Variants in UBE2E3 observed in about 807,000 individuals in gnomAD.
UBE2E3 encodes ubiquitin-conjugating enzyme E2 E3.
In UBE2E3, 5 loss-of-function variants were observed where a neutral mutation model predicts 23.6. The observed-to-expected ratio is 0.21, with a 90% CI of 0.11 to 0.44. UBE2E3 has a LOEUF of 0.44. Ranked by LOEUF, UBE2E3 falls within the 20% of genes least tolerant of loss-of-function variation. UBE2E3 has a pLI of 0.99. For synonymous variants in UBE2E3, 78 were observed against 87.5 expected (o/e 0.89, Z 0.60); for missense variants, 81 against 249.8 (o/e 0.32, Z 4.55).
intron 3 of UBE2E3, among the ~76,000 whole-genome samples, chr2:181,007,572 A>G (rs1002172757): frequency 2.0e-5 from 3 of 151,644 alleles, no homozygotes; most frequent in Non-Finnish European, 4.4e-5. Flanking sequence ...TTCTCTAATG[A>G]GATGGAAATT....
intron 3 of UBE2E3, among the ~76,000 whole-genome samples, chr2:181,009,978 T>G (rs1168395875): frequency 3.3e-5 from 5 of 152,154 alleles, no homozygotes; most frequent in Non-Finnish European, 5.9e-5. Context: ...TATTTGTATT[T>G]TGATATTTTA....
intron 3 of UBE2E3, among the ~76,000 whole-genome samples, chr2:181,021,566 TCCTTCCTC>T (rs1685684225): frequency 3.9e-5 from 4 of 101,938 alleles, no homozygotes; most frequent in South Asian, 4.0e-4. Flanking sequence ...CTTCCTTCCT[TCCTTCCTC>T]CCTCCCTCCC....
At chr2:181,056,801 G>A (rs1687001283) in intron 3 of UBE2E3, among the ~76,000 whole-genome samples, 1 of 151,812 alleles carries the variant, frequency 6.6e-6, no homozygotes, top group African/African-American at 2.4e-5. Flanking sequence ...CTTATTGGTT[G>A]CAGGGAAAAG....
chr2:181,027,303 T>TA (rs1685925877), intron 3 of UBE2E3, among the ~76,000 whole-genome samples: 1 of 151,946 alleles, frequency 6.6e-6, no homozygotes, highest in South Asian at 2.1e-4. Context: ...GTGTTATAGT[T>TA]ACAATATCCT....
intron 3 of UBE2E3, among the ~76,000 whole-genome samples, chr2:180,996,793 G>C (rs1684833167): frequency 6.6e-6 from 1 of 152,050 alleles, no homozygotes; most frequent in African/African-American, 2.4e-5. Flanking sequence ...TGTAATAGTT[G>C]TGTTTCTTAC....
intron 3 of UBE2E3, among the ~76,000 whole-genome samples, chr2:181,040,323 A>G (rs1035791013): frequency 1.3e-5 from 2 of 152,214 alleles, no homozygotes; most frequent in African/African-American, 4.8e-5. Context: ...ACTGTATTGC[A>G]TTTAGCCTTT....
chr2:181,044,930 G>T (rs989750905), intron 3 of UBE2E3, among the ~76,000 whole-genome samples: 4 of 152,120 alleles, frequency 2.6e-5, no homozygotes, highest in Non-Finnish European at 5.9e-5. Flanking sequence ...TTCATATTAT[G>T]TAGAATTTTC....
intron 3 of UBE2E3, among the ~76,000 whole-genome samples, chr2:181,033,140 A>C (rs1452941300): frequency 6.6e-6 from 1 of 152,232 alleles, no homozygotes; most frequent in Admixed American, 6.5e-5. Flanking sequence ...ATCCCCATCA[A>C]GGTACCAACG....
At chr2:181,055,182 A>T (rs555070420) in intron 3 of UBE2E3, among the ~76,000 whole-genome samples, 18 of 151,866 alleles carry the variant, frequency 1.2e-4, no homozygotes, top group African/African-American at 4.1e-4. Context: ...TAAGATTTCC[A>T]AGGAGTTTTG....
intron 3 of UBE2E3, among the ~76,000 whole-genome samples, chr2:180,991,185 A>G (rs1215118862): frequency 6.6e-6 from 1 of 151,070 alleles, no homozygotes; most frequent in East Asian, 1.9e-4. Flanking sequence ...TTGGGATTCT[A>G]GAATTGTAGA....
chr2:181,045,070 A>G (rs1686630412), intron 3 of UBE2E3, among the ~76,000 whole-genome samples: 1 of 152,164 alleles, frequency 6.6e-6, no homozygotes, highest in African/African-American at 2.4e-5. Flanking sequence ...AAGCAGAAAG[A>G]GAGGGAGGGA....
rs71029902 is a variant in UBE2E3 at position 181,060,861 on chromosome 2, CTTTTTTT to C, written c.526+70_526+76del. On this transcript the variant is annotated intron_variant, in intron 5 of 5. Transcript: ENST00000410062. ...TACAATAAGACTACAAAAACGAGTG[CTTTTTTT>C]TTTTTTTTTTTTTTTTTTTTAGTTA... 408 of 248,932 alleles carry C rather than the reference CTTTTTTT, an allele frequency of 1.6e-3. 6 individuals are homozygous for C. Among genetic ancestry groups the C allele is most frequent in the East Asian group, 1.8e-3 (9 of 5,020 alleles). 15.4% of individuals were successfully genotyped at this position (248,932 alleles called of 1,614,324 possible).
intron 3 of UBE2E3, among the ~76,000 whole-genome samples, chr2:181,006,530 C>T (rs922209171): frequency 1.4e-4 from 21 of 151,950 alleles, no homozygotes; most frequent in African/African-American, 4.3e-4. Flanking sequence ...CCCAAATGTA[C>T]ATGGAGCACA....
intron 3 of UBE2E3, among the ~76,000 whole-genome samples, chr2:181,043,551 A>T (rs945417701): frequency 6.6e-6 from 1 of 152,194 alleles, no homozygotes; most frequent in Non-Finnish European, 1.5e-5. Flanking sequence ...AAATCCAAAA[A>T]TATAAAAAAA....
In UBE2E3 at chr2:180,980,917, T is replaced by C. The variant is rs1684261981; in HGVS notation, c.-82T>C. On this transcript the variant is annotated 5_prime_UTR_variant, in exon 1 of 6. Transcript: ENST00000410062. This position sits in a 1 kb window ranked among gnomAD's most constrained non-coding sequence, Gnocchi z 5.5. ...CCATTTCCTTAAGGAAGGGTTTTTT[T>C]CTCTCTCCCTCCCCCACACCGTAGC... 6.8e-6 allele frequency: 1 copy of C among 146,356 alleles called. No individual in the cohort carries two copies. The highest frequency in any genetic ancestry group is 6.8e-5 in the Admixed American group (1 of 14,780). The allele number at this position is 146,356 out of a possible 1,614,324, so 9.1% of individuals were successfully genotyped here.
At chr2:181,012,250 A>C (rs770216653) in intron 3 of UBE2E3, among the ~76,000 whole-genome samples, 1 of 152,206 alleles carries the variant, frequency 6.6e-6, no homozygotes, top group East Asian at 1.9e-4. Flanking sequence ...ATAACAAAGT[A>C]TACATGTACT....
chr2:180,985,111 T>C (rs1444440103), intron 3 of UBE2E3, among the ~76,000 whole-genome samples: 2 of 152,172 alleles, frequency 1.3e-5, no homozygotes, highest in African/African-American at 4.8e-5. Flanking sequence ...TCTTATTGTG[T>C]ATGTTAACTG....
intron 3 of UBE2E3, among the ~76,000 whole-genome samples, chr2:180,997,709 G>A (rs1234588183): frequency 6.6e-6 from 1 of 152,032 alleles, no homozygotes; most frequent in Non-Finnish European, 1.5e-5. Context: ...ATGTAGAAAA[G>A]TCTTATGTTG....
In UBE2E3 at chr2:180,992,838, T is replaced by G. The variant is rs528449060; in HGVS notation, c.245+8745T>G. Among the ~76,000 whole-genome samples the G allele has an allele frequency of 4.6e-5, 7 of 152,114 alleles. No individual in the cohort carries two copies. The South Asian group carries it at 1.5e-3, about 32-fold the overall frequency. On this transcript the variant is annotated intron_variant, in intron 3 of 5. Coordinates refer to ENST00000410062, the MANE Select transcript of UBE2E3 (RefSeq NM_006357.4). ...CACCACACTCAACTAATTTTGTATT[T>G]TTTTTTTAGTAGAGACAGGGTTTCA...
Sources: gnomAD v4.1 joint callset for allele counts (sites outside exome capture counted in the v4.1 genomes callset) on GRCh38, gnomAD v4.1.1 for gene constraint, Gnocchi (gnomAD v3.1) non-coding constraint, MANE v1.5 for transcripts, NCBI Gene and HGNC (gene_info 2026-07-23, HGNC 2026-07-21) for gene names.